Variants in IMMP2L observed in about 807,000 individuals in gnomAD.
IMMP2L encodes the protein mitochondrial inner membrane protease subunit 2.
Under a neutral mutation model 19.3 loss-of-function variants are expected in IMMP2L, and 18 were observed. That is an observed-to-expected ratio of 0.93 (90% confidence interval 0.64 to 1.38). The LOEUF (loss-of-function observed/expected upper bound fraction) is 1.38, where lower values mean the gene tolerates loss of function less well. IMMP2L is among the 40% of genes most tolerant of loss of function. The pLI is 0.00. For synonymous variants in IMMP2L, 76 were observed against 73.0 expected, an observed-to-expected ratio of 1.04 and a Z score of -0.21; for missense variants, 233 against 218.2, an observed-to-expected ratio of 1.07 and a Z score of -0.43.
intron 2 of IMMP2L, among the ~76,000 whole-genome samples, chr7:111,506,930 C>A (rs1228954345): frequency 1.3e-5 from 2 of 152,064 alleles, no homozygotes; most frequent in Non-Finnish European, 2.9e-5. Flanking sequence ...CAACCTCTGC[C>A]TTCTGAGCTC....
chr7:110,680,144 T>C (rs1162928048), intron 5 of IMMP2L, among the ~76,000 whole-genome samples: 1 of 152,228 alleles, frequency 6.6e-6, no homozygotes, highest in Non-Finnish European at 1.5e-5. Context: ...TATGTAATCT[T>C]CTAGTCACCT....
intron 3 of IMMP2L, among the ~76,000 whole-genome samples, chr7:111,231,883 T>A (rs1252487186): frequency 6.6e-6 from 1 of 151,976 alleles, no homozygotes; most frequent in Non-Finnish European, 1.5e-5. Context: ...AGTATAATAA[T>A]TTTTTTCTAT....
intron 3 of IMMP2L, among the ~76,000 whole-genome samples, chr7:111,114,738 C>CAA (rs567078227): frequency 3.9e-3 from 246 of 62,584 alleles, no homozygotes; most frequent in African/African-American, 5.5e-3. Flanking sequence ...GACTCCATCT[C>CAA]AAAAAAAAAA....
At chr7:111,329,035 T>C (rs934895981) in intron 3 of IMMP2L, among the ~76,000 whole-genome samples, 1 of 151,852 alleles carries the variant, frequency 6.6e-6, no homozygotes, top group Non-Finnish European at 1.5e-5. Flanking sequence ...AGGTGTCTCA[T>C]AAAGCCTACA....
At chr7:111,320,085 G>C (rs1284376515) in intron 3 of IMMP2L, among the ~76,000 whole-genome samples, 1 of 151,948 alleles carries the variant, frequency 6.6e-6, no homozygotes, top group Non-Finnish European at 1.5e-5. Context: ...AGAAAGAGAG[G>C]AAAAGTCATT....
At chr7:110,677,632 A>G (rs1792409413) in intron 5 of IMMP2L, among the ~76,000 whole-genome samples, 1 of 152,182 alleles carries the variant, frequency 6.6e-6, no homozygotes, top group South Asian at 2.1e-4. Context: ...TTGCTTGTTT[A>G]GGTGAATGAG....
At chr7:111,513,560 T>C (rs376911291) in intron 2 of IMMP2L, among the ~76,000 whole-genome samples, 1 of 152,084 alleles carries the variant, frequency 6.6e-6, no homozygotes. Flanking sequence ...TCTCAAAGAA[T>C]TGAAAACAGA....
intron 3 of IMMP2L, among the ~76,000 whole-genome samples, chr7:111,451,629 G>T (rs551127407): frequency 2.0e-5 from 3 of 150,158 alleles, no homozygotes; most frequent in South Asian, 4.2e-4. Flanking sequence ...GAGTTAGGGG[G>T]TGCAGCGCAC....
intron 3 of IMMP2L, among the ~76,000 whole-genome samples, chr7:111,397,626 T>G: frequency 6.6e-6 from 1 of 152,158 alleles, no homozygotes; most frequent in East Asian, 1.9e-4. Context: ...CTCATTTAAT[T>G]TCATGCCATT....
intron 4 of IMMP2L, among the ~76,000 whole-genome samples, chr7:110,897,342 A>G (rs947705880): frequency 3.9e-5 from 6 of 152,196 alleles, no homozygotes; most frequent in Admixed American, 3.9e-4. Context: ...GATAAAAGAT[A>G]CAAATAGGCA....
intron 5 of IMMP2L, among the ~76,000 whole-genome samples, chr7:110,826,786 T>G (rs1322228309): frequency 6.6e-6 from 1 of 151,782 alleles, no homozygotes; most frequent in Non-Finnish European, 1.5e-5. Flanking sequence ...TGTATACATA[T>G]GTAACAAACC....
intron 3 of IMMP2L, among the ~76,000 whole-genome samples, chr7:111,462,260 T>A (rs1035751503): frequency 6.6e-6 from 1 of 152,104 alleles, no homozygotes; most frequent in Non-Finnish European, 1.5e-5. Context: ...TTAGTGAATT[T>A]ATAATCATTA....
At chr7:111,431,347 T>C (rs1836612412) in intron 3 of IMMP2L, among the ~76,000 whole-genome samples, 1 of 151,896 alleles carries the variant, frequency 6.6e-6, no homozygotes, top group African/African-American at 2.4e-5. Context: ...AGAGAAATTG[T>C]TGTACGCTCA....
At chr7:111,447,784 C>T (rs1215594853) in intron 3 of IMMP2L, among the ~76,000 whole-genome samples, 4 of 151,720 alleles carry the variant, frequency 2.6e-5, no homozygotes, top group Non-Finnish European at 4.4e-5. Context: ...AGAGTCAAGA[C>T]CCATCAGTGT....
chr7:111,004,304 G>A (rs1824058995), intron 3 of IMMP2L, among the ~76,000 whole-genome samples: 1 of 152,106 alleles, frequency 6.6e-6, no homozygotes, highest in Admixed American at 6.5e-5. Context: ...TCAGCCTCCT[G>A]ATGTACCATC....
intron 3 of IMMP2L, among the ~76,000 whole-genome samples, chr7:111,088,168 A>G (rs534933082): frequency 6.6e-6 from 1 of 152,314 alleles, no homozygotes; most frequent in Non-Finnish European, 1.5e-5. Context: ...AAATAGCAAT[A>G]AACAAGTTAA....
chr7:111,488,642 G>A (rs148175865), intron 2 of IMMP2L, among the ~76,000 whole-genome samples: 138 of 152,196 alleles, frequency 9.1e-4, no homozygotes, highest in Admixed American at 4.6e-3. Context: ...AAACGTGCGT[G>A]CAAGTACACA....
At chr7:111,381,541 T>A (rs1319033260) in intron 3 of IMMP2L, among the ~76,000 whole-genome samples, 1 of 151,998 alleles carries the variant, frequency 6.6e-6, no homozygotes, top group East Asian at 1.9e-4. Context: ...ATAATACATC[T>A]CAATTGGACA....
intron 3 of IMMP2L, among the ~76,000 whole-genome samples, chr7:110,972,290 T>A (rs905863407): frequency 6.6e-6 from 1 of 152,264 alleles, no homozygotes; most frequent in Non-Finnish European, 1.5e-5. Context: ...CTCCAGTTGC[T>A]ACATTATCAG....
Sources: gnomAD v4.1 joint callset for allele counts (sites outside exome capture counted in the v4.1 genomes callset) on GRCh38, gnomAD v4.1.1 for gene constraint, MANE v1.5 for transcripts, NCBI Gene and HGNC (gene_info 2026-07-23, HGNC 2026-07-21) for gene names.